Variants in SLC9A9 observed in about 807,000 individuals in gnomAD.
The protein encoded by SLC9A9 is solute carrier family 9 member A9.
In SLC9A9, 62 loss-of-function variants were observed where a neutral mutation model predicts 77.8. The ratio of observed to expected loss-of-function variants is 0.80; its 90% confidence interval spans 0.65 to 0.98. The LOEUF (loss-of-function observed/expected upper bound fraction) is 0.98. SLC9A9 is among the 50% of genes least tolerant of loss of function. SLC9A9 has a pLI of 0.00. For missense variants in SLC9A9, 775 were observed against 774.9 expected (o/e 1.00, Z 0.00); for synonymous variants, 320 against 283.5 (o/e 1.13, Z -1.29).
intron 4 of SLC9A9, among the ~76,000 whole-genome samples, chr3:143,701,478 G>T (rs539352735): frequency 1.0e-3 from 152 of 152,224 alleles, no homozygotes; most frequent in Middle Eastern, 3.4e-3. Flanking sequence ...TAAAAAGAAT[G>T]AAATAGAAAT....
Position 143,528,541 on chromosome 3 carries a change from G to A in SLC9A9, c.1089+23821C>T, listed in dbSNP as rs995280042. Among the ~76,000 whole-genome samples the A allele has an allele frequency of 5.3e-5, 8 of 152,106 alleles. No individual in the cohort carries two copies. In the East Asian group the frequency reaches 9.6e-4, roughly 18 times the overall value. ...TTTAGCACTGAAAGTCCTCTATCCCGGTAGTAGTTGGTCACCCTATAACCC... is the reference window on the plus strand; with the variant it reads ...TTTAGCACTGAAAGTCCTCTATCCCAGTAGTAGTTGGTCACCCTATAACCC... On this transcript the variant is annotated intron_variant, in intron 9 of 15. Transcript: ENST00000316549.
intron 2 of SLC9A9, among the ~76,000 whole-genome samples, chr3:143,824,241 A>C (rs977654352): frequency 6.6e-6 from 1 of 151,984 alleles, no homozygotes; most frequent in Non-Finnish European, 1.5e-5. Flanking sequence ...CTTTTTATAT[A>C]TACAAAATGA....
intron 12 of SLC9A9, among the ~76,000 whole-genome samples, chr3:143,399,921 A>G (rs2033812985): frequency 1.3e-5 from 2 of 152,210 alleles, no homozygotes; most frequent in South Asian, 4.1e-4. Context: ...AGTATATGCT[A>G]GATATTGTGG....
At chr3:143,428,592 T>C (rs1275871783) in intron 12 of SLC9A9, among the ~76,000 whole-genome samples, 2 of 152,160 alleles carry the variant, frequency 1.3e-5, no homozygotes, top group Non-Finnish European at 2.9e-5. Context: ...TGGGTGTGTA[T>C]CCAAATGAAA....
At chr3:143,596,349 C>G (rs2037752124) in intron 6 of SLC9A9, among the ~76,000 whole-genome samples, 1 of 152,350 alleles carries the variant, frequency 6.6e-6, no homozygotes, top group South Asian at 2.1e-4. Context: ...GAGATACACA[C>G]ACCTGGGTCA....
chr3:143,569,863 G>C (rs1458567144), intron 8 of SLC9A9, among the ~76,000 whole-genome samples: 4 of 143,644 alleles, frequency 2.8e-5, no homozygotes, highest in Non-Finnish European at 1.5e-5. Flanking sequence ...GCCCAGAATA[G>C]AATGCAGTCA....
intron 14 of SLC9A9, among the ~76,000 whole-genome samples, chr3:143,296,040 C>CT (rs1240361579): frequency 6.6e-6 from 1 of 152,146 alleles, no homozygotes; most frequent in Non-Finnish European, 1.5e-5. Context: ...AGCTGGATAA[C>CT]TTTTTTCTTG....
At chr3:143,276,972 G>T (rs1938069956) in intron 14 of SLC9A9, among the ~76,000 whole-genome samples, 1 of 152,186 alleles carries the variant, frequency 6.6e-6, no homozygotes, top group Non-Finnish European at 1.5e-5. Context: ...GGTATGCTTA[G>T]TATCTTAGTG....
chr3:143,575,238 TG>T (rs1374670860), intron 7 of SLC9A9, among the ~76,000 whole-genome samples: 2 of 152,202 alleles, frequency 1.3e-5, no homozygotes, highest in African/African-American at 4.8e-5. Flanking sequence ...AAACATGTTT[TG>T]TAAAGTTTTA....
chr3:143,659,594 A>T (rs1422374020), intron 5 of SLC9A9, among the ~76,000 whole-genome samples: 2 of 152,206 alleles, frequency 1.3e-5, no homozygotes, highest in Non-Finnish European at 2.9e-5. Context: ...TATTGAGAAG[A>T]GTCAACACTG....
chr3:143,727,042 T>C (rs1409517684), intron 4 of SLC9A9, among the ~76,000 whole-genome samples: 1 of 151,746 alleles, frequency 6.6e-6, no homozygotes, highest in African/African-American at 2.4e-5. Context: ...GAAAAAAAAT[T>C]AGCTGTAAGA....
chr3:143,622,999 G>T (rs184490719), intron 6 of SLC9A9, among the ~76,000 whole-genome samples: 1 of 152,198 alleles, frequency 6.6e-6, no homozygotes, highest in Admixed American at 6.5e-5. Context: ...AACCAACAAA[G>T]ACCAAAAGAG....
chr3:143,663,255 A>G (rs939943039), intron 5 of SLC9A9, among the ~76,000 whole-genome samples: 1 of 152,242 alleles, frequency 6.6e-6, no homozygotes, highest in Admixed American at 6.5e-5. Flanking sequence ...GCAAACAGAA[A>G]GGAATAGCAT....
intron 14 of SLC9A9, among the ~76,000 whole-genome samples, chr3:143,362,527 TC>T (rs2032781100): frequency 6.6e-6 from 1 of 152,234 alleles, no homozygotes; most frequent in African/African-American, 2.4e-5. Flanking sequence ...CCCTCCCCTG[TC>T]CATTTTTACC....
rs139435324 is a variant in SLC9A9, at chr3:143,339,539, C to T, written c.1604+23945G>A. Among the ~76,000 whole-genome samples, 93 of 152,190 alleles carry T rather than the reference C, an allele frequency of 6.1e-4. 1 individual carries two copies. The East Asian group carries it at 0.016, about 26-fold the overall frequency. On this transcript the variant is annotated intron_variant, in intron 14 of 15. Transcript: ENST00000316549. Reference sequence around the variant, plus strand: ...TTTATGTTACATTCCCCCCCTTCTACACTGGCATACTATGTTGTTCCTTAA... The same window carrying T: ...TTTATGTTACATTCCCCCCCTTCTATACTGGCATACTATGTTGTTCCTTAA...
intron 2 of SLC9A9, among the ~76,000 whole-genome samples, chr3:143,810,069 A>T (rs1362795622): frequency 6.6e-6 from 1 of 152,258 alleles, no homozygotes; most frequent in Non-Finnish European, 1.5e-5. Context: ...TTAAAATTCA[A>T]TTCTTAAAGA....
chr3:143,581,376 GC>G (rs1298611798), intron 6 of SLC9A9, among the ~76,000 whole-genome samples: 2 of 152,066 alleles, frequency 1.3e-5, no homozygotes, highest in African/African-American at 4.8e-5. Context: ...ATAATATTTA[GC>G]CCTCTTGTGC....
At chr3:143,360,230 GAATT>G (rs1470333839) in intron 14 of SLC9A9, among the ~76,000 whole-genome samples, 2 of 152,112 alleles carry the variant, frequency 1.3e-5, no homozygotes, top group Non-Finnish European at 2.9e-5. Context: ...GTGGTTGTAA[GAATT>G]AAATAAAACA....
intron 4 of SLC9A9, among the ~76,000 whole-genome samples, chr3:143,768,316 T>C (rs1194675726): frequency 1.1e-4 from 16 of 152,230 alleles, no homozygotes; most frequent in African/African-American, 3.9e-4. Flanking sequence ...TCTGGCATTA[T>C]TCTAAGAGTG....
Sources: allele counts gnomAD v4.1 joint callset (sites outside exome capture counted in the v4.1 genomes callset), GRCh38; gene constraint gnomAD v4.1.1; transcripts MANE v1.5; gene names NCBI Gene and HGNC (gene_info 2026-07-23, HGNC 2026-07-21).